Variants in UBE2G1 observed in about 807,000 individuals in gnomAD.
UBE2G1 encodes the protein ubiquitin-conjugating enzyme E2 G1.
In UBE2G1, 5 loss-of-function variants were observed where a neutral mutation model predicts 22.7. That is an observed-to-expected ratio of 0.22 (90% confidence interval 0.12 to 0.46). UBE2G1 has a LOEUF of 0.46. Among genes scored for constraint, UBE2G1 ranks in the 20% least tolerant of loss-of-function variants. The pLI is 0.99. For synonymous variants in UBE2G1, 74 were observed against 67.5 expected (o/e 1.10, Z -0.47); for missense variants, 88 against 203.9 (o/e 0.43, Z 3.46).
At chr17:4,292,132 A>G (rs1423967127) in intron 3 of UBE2G1, among the ~76,000 whole-genome samples, 2 of 151,856 alleles carry the variant, frequency 1.3e-5, no homozygotes, top group African/African-American at 4.8e-5. Context: ...GGTCGAGACC[A>G]GCCTGGCCAA....
chr17:4,364,885 G>C (rs1184368708), intron 1 of UBE2G1, among the ~76,000 whole-genome samples: 1 of 152,204 alleles, frequency 6.6e-6, no homozygotes, highest in African/African-American at 2.4e-5. Context: ...CCCGGCCTCA[G>C]TGCTTTTCCA....
intron 1 of UBE2G1, among the ~76,000 whole-genome samples, chr17:4,366,010 A>T (rs1041116923): frequency 6.6e-6 from 1 of 151,528 alleles, no homozygotes; most frequent in Non-Finnish European, 1.5e-5. Context: ...ACGGTGGGGG[A>T]GGGGACCTCC....
chr17:4,309,458 T>C (rs1199390351), intron 1 of UBE2G1, among the ~76,000 whole-genome samples: 1 of 152,240 alleles, frequency 6.6e-6, no homozygotes, highest in African/African-American at 2.4e-5. Context: ...TTTTTAAAGA[T>C]ATTGAAAGTG....
chr17:4,271,990 G>A lies in UBE2G1; in HGVS notation c.*564C>T, dbSNP rs1226910966. ...ACATTCTGGCAGGTAAGAGATAAAA[G>A]CAAAGGGGAGTGTGTCAAAACAAAG... On this transcript the variant is annotated 3_prime_UTR_variant, in exon 6 of 6. Coordinates refer to ENST00000396981, the MANE Select transcript of UBE2G1 (RefSeq NM_003342.5). 6.6e-6 allele frequency: 1 copy of A among 152,582 alleles called. No individual in the cohort carries two copies. The highest frequency in any genetic ancestry group is 1.5e-5 in the Non-Finnish European group (1 of 68,024). The allele number at this position is 152,582 out of a possible 1,614,324, so 9.5% of individuals were successfully genotyped here.
At chr17:4,300,246 G>A (rs1294576245) in intron 2 of UBE2G1, among the ~76,000 whole-genome samples, 1 of 152,108 alleles carries the variant, frequency 6.6e-6, no homozygotes, top group Non-Finnish European at 1.5e-5. Context: ...TTCAAATATA[G>A]AAAGATGTGA....
intron 5 of UBE2G1, among the ~76,000 whole-genome samples, chr17:4,279,746 G>C (rs35514092): frequency 7.8e-6 from 1 of 127,526 alleles, no homozygotes; most frequent in Admixed American, 8.0e-5. Context: ...CTGCAATCCA[G>C]CCCGAGCGAC....
At chr17:4,359,631 G>GAGGCAAAGGC (rs1194460832) in intron 1 of UBE2G1, among the ~76,000 whole-genome samples, 1 of 152,166 alleles carries the variant, frequency 6.6e-6, no homozygotes, top group African/African-American at 2.4e-5. Flanking sequence ...AACACTTTGG[G>GAGGCAAAGGC]AGGCCAAGGC....
At chr17:4,284,465 G>C (rs1344657105) in intron 4 of UBE2G1, among the ~76,000 whole-genome samples, 1 of 151,792 alleles carries the variant, frequency 6.6e-6, no homozygotes, top group East Asian at 1.9e-4. Flanking sequence ...GCCAGGCATG[G>C]TGGCACGTGC....
chr17:4,354,036 C>T (rs1390282090), intron 1 of UBE2G1, among the ~76,000 whole-genome samples: 1 of 152,038 alleles, frequency 6.6e-6, no homozygotes, highest in African/African-American at 2.4e-5. Context: ...AGATAGTTTT[C>T]CCACTAGTTC....
intron 3 of UBE2G1, among the ~76,000 whole-genome samples, chr17:4,292,009 A>G (rs1969047622): frequency 6.6e-6 from 1 of 152,038 alleles, no homozygotes; most frequent in Admixed American, 6.6e-5. Context: ...TTCAGTGTTC[A>G]TTAGAGATGA....
intron 1 of UBE2G1, among the ~76,000 whole-genome samples, chr17:4,317,522 A>G (rs1351468670): frequency 6.6e-6 from 1 of 152,244 alleles, no homozygotes; most frequent in East Asian, 1.9e-4. Context: ...CCCTGTCTCA[A>G]AAAACAACAA....
intron 1 of UBE2G1, among the ~76,000 whole-genome samples, chr17:4,328,335 G>C (rs928136503): frequency 3.9e-5 from 6 of 152,172 alleles, no homozygotes; most frequent in Admixed American, 1.3e-4. Flanking sequence ...ATTGTTTTAT[G>C]TTGTCCAAAA....
chr17:4,336,895 C>A (rs1259197040), intron 1 of UBE2G1, among the ~76,000 whole-genome samples: 2 of 152,078 alleles, frequency 1.3e-5, no homozygotes, highest in African/African-American at 4.8e-5. Flanking sequence ...AGAATGAGAT[C>A]AAGTCTCTAT....
chr17:4,288,066 A>G (rs2143694887), intron 4 of UBE2G1, among the ~76,000 whole-genome samples: 1 of 152,350 alleles, frequency 6.6e-6, no homozygotes, highest in Non-Finnish European at 1.5e-5. Flanking sequence ...GTGAAGGGTT[A>G]TGGTATCTAT....
intron 1 of UBE2G1, among the ~76,000 whole-genome samples, chr17:4,334,034 C>T (rs915723573): frequency 1.4e-4 from 21 of 151,530 alleles, no homozygotes; most frequent in Admixed American, 6.6e-4. Context: ...AATTGTGGCA[C>T]GTGAATGGCA....
intron 1 of UBE2G1, among the ~76,000 whole-genome samples, chr17:4,354,746 C>T (rs1969885558): frequency 6.6e-6 from 1 of 151,932 alleles, no homozygotes; most frequent in African/African-American, 2.4e-5. Context: ...GCCTGGGCAA[C>T]GTGGCAAAAC....
chr17:4,274,959 G>C (rs1329091668), intron 5 of UBE2G1, among the ~76,000 whole-genome samples: 1 of 152,240 alleles, frequency 6.6e-6, no homozygotes, highest in African/African-American at 2.4e-5. Context: ...AGGAGTTCAA[G>C]GCTGCAGTGA....
chr17:4,357,260 A>C (rs538775269), intron 1 of UBE2G1, among the ~76,000 whole-genome samples: 1 of 152,246 alleles, frequency 6.6e-6, no homozygotes, highest in South Asian at 2.1e-4. Context: ...TATTTTACTT[A>C]ATAATGGCCC....
rs1263389660 is a variant in UBE2G1, at chr17:4,271,360, T to G, written c.*1194A>C. ...TGCATAAGGAATCAACCTGAGATTT[T>G]CCTAAACCACTTCTCTGGCACTCAG... On this transcript the variant is annotated 3_prime_UTR_variant, in exon 6 of 6. Transcript: ENST00000396981. The G allele has an allele frequency of 1.3e-5, 2 of 152,660 alleles. No homozygotes were observed. Among genetic ancestry groups the G allele is most frequent in the Admixed American group, 6.5e-5 (1 of 15,280 alleles). 9.5% of individuals were successfully genotyped at this position (152,660 alleles called of 1,614,324 possible). A position where few individuals can be genotyped will look rare whatever the true frequency, so the allele number is the denominator to read the frequency against.
Sources: allele counts gnomAD v4.1 joint callset (sites outside exome capture counted in the v4.1 genomes callset), GRCh38; gene constraint gnomAD v4.1.1; transcripts MANE v1.5; gene names NCBI Gene and HGNC (gene_info 2026-07-23, HGNC 2026-07-21).